The following RAB38 variants were observed in gnomAD, a reference collection of about 807,000 sequenced individuals.
The protein encoded by RAB38 is RAB38, member RAS oncogene family, also known as ras-related protein Rab-38.
In RAB38, 15 loss-of-function variants were observed where a neutral mutation model predicts 18.4. The ratio of observed to expected loss-of-function variants is 0.82; its 90% CI spans 0.55 to 1.26. The LOEUF (loss-of-function observed/expected upper bound fraction) is 1.26, where lower values mean the gene tolerates loss of function less well. Ranked by LOEUF, RAB38 falls within the 50% of genes most tolerant of loss-of-function variation. The pLI, the probability that RAB38 is intolerant of heterozygous loss-of-function variation, is 0.00. For synonymous variants in RAB38, 101 were observed against 104.4 expected, an observed-to-expected ratio of 0.97 and a Z score of 0.20; for missense variants, 294 against 267.4, an observed-to-expected ratio of 1.10 and a Z score of -0.69.
intron 1 of RAB38, chr11:88,173,747 G>A: frequency 3.0e-6 from 3 of 985,288 alleles, no homozygotes; most frequent in Non-Finnish European, 3.6e-6. Flanking sequence ...ATCCAACAGT[G>A]GCTGATAACA....
intron 1 of RAB38, among the ~76,000 whole-genome samples, chr11:88,158,211 T>G (rs1331971308): frequency 6.6e-6 from 1 of 152,006 alleles, no homozygotes; most frequent in Non-Finnish European, 1.5e-5. Flanking sequence ...AAACACACAA[T>G]CTGCCAAGAT....
the RAB38 span, among the ~76,000 whole-genome samples, chr11:87,932,478 T>C: frequency 4.6e-5 from 7 of 152,042 alleles, no homozygotes; most frequent in South Asian, 1.2e-3. Flanking sequence ...CTTAGTTCTC[T>C]ATAAGCATAA....
At chr11:88,024,293 A>T in the RAB38 span, among the ~76,000 whole-genome samples, 165 of 152,332 alleles carry the variant, frequency 1.1e-3, 4 homozygotes, top group East Asian at 0.025. Flanking sequence ...GGTGCTCAAC[A>T]TCATTAATCA....
chr11:88,004,048 A>G, the RAB38 span, among the ~76,000 whole-genome samples: 1 of 141,412 alleles, frequency 7.1e-6, no homozygotes, highest in South Asian at 2.2e-4. Context: ...TATATGGGAG[A>G]AGGTATATAT....
chr11:87,926,143 C>G, the RAB38 span, among the ~76,000 whole-genome samples: 1 of 151,636 alleles, frequency 6.6e-6, no homozygotes, highest in African/African-American at 2.4e-5. Context: ...GCAGAGAGGT[C>G]CGACCAATGA....
chr11:88,147,930 A>G (rs1215385758), intron 2 of RAB38, among the ~76,000 whole-genome samples: 2 of 152,128 alleles, frequency 1.3e-5, no homozygotes, highest in African/African-American at 4.8e-5. Context: ...ATAGACTACA[A>G]AAAGATACCA....
chr11:87,938,401 A>G, the RAB38 span, among the ~76,000 whole-genome samples: 1 of 151,986 alleles, frequency 6.6e-6, no homozygotes, highest in Admixed American at 6.6e-5. Flanking sequence ...GGTGGGATGA[A>G]CGTCTTAGCT....
At chr11:87,968,343 G>T in the RAB38 span, among the ~76,000 whole-genome samples, 1 of 152,086 alleles carries the variant, frequency 6.6e-6, no homozygotes, top group Non-Finnish European at 1.5e-5. Flanking sequence ...GACTCAAGGT[G>T]TGGCTGGGCA....
intron 2 of RAB38, among the ~76,000 whole-genome samples, chr11:88,130,436 T>C (rs1490428184): frequency 3.3e-5 from 5 of 152,210 alleles, no homozygotes; most frequent in Non-Finnish European, 7.3e-5. Context: ...TGTTTTGGAA[T>C]TTATTCAGAG....
the RAB38 span, among the ~76,000 whole-genome samples, chr11:87,961,121 G>T: frequency 6.6e-6 from 1 of 152,060 alleles, no homozygotes; most frequent in Non-Finnish European, 1.5e-5. Flanking sequence ...GCCCCCTTCT[G>T]CCTGCTCCAA....
the RAB38 span, among the ~76,000 whole-genome samples, chr11:88,036,915 C>A: frequency 1.3e-5 from 2 of 152,094 alleles, no homozygotes; most frequent in South Asian, 2.1e-4. Context: ...ACTTAGGATT[C>A]TTGAATCAAT....
chr11:87,816,988 TATC>T, the RAB38 span: 1 of 152,140 alleles, frequency 6.6e-6, no homozygotes, highest in Non-Finnish European at 1.5e-5. Context: ...TTAGGTTTAT[TATC>T]ATTCATAAGC....
At chr11:88,019,301 T>C in the RAB38 span, among the ~76,000 whole-genome samples, 1 of 152,164 alleles carries the variant, frequency 6.6e-6, no homozygotes, top group Non-Finnish European at 1.5e-5. Context: ...TAGAGTCATC[T>C]ATGACTTTTT....
At chr11:87,926,825 C>G in the RAB38 span, among the ~76,000 whole-genome samples, 1 of 152,158 alleles carries the variant, frequency 6.6e-6, no homozygotes, top group South Asian at 2.1e-4. Flanking sequence ...GCAGCTCTGT[C>G]TTCCACCAGG....
At chr11:87,923,494 A>T in the RAB38 span, among the ~76,000 whole-genome samples, 3 of 151,746 alleles carry the variant, frequency 2.0e-5, no homozygotes, top group Admixed American at 2.0e-4. Flanking sequence ...CATAATTAGT[A>T]CTAGAGAATA....
chr11:88,029,078 C>G, the RAB38 span, among the ~76,000 whole-genome samples: 12 of 152,084 alleles, frequency 7.9e-5, no homozygotes, highest in South Asian at 2.1e-4. Flanking sequence ...CAATATTCAA[C>G]ATTCTTAAAG....
chr11:88,026,625 G>A, the RAB38 span, among the ~76,000 whole-genome samples: 19 of 140,904 alleles, frequency 1.3e-4, no homozygotes, highest in African/African-American at 2.9e-4. Flanking sequence ...TGATCCGCCC[G>A]CCTCAGCCTC....
At chr11:87,918,358 G>T in the RAB38 span, among the ~76,000 whole-genome samples, 1 of 152,098 alleles carries the variant, frequency 6.6e-6, no homozygotes, top group East Asian at 1.9e-4. Context: ...TGGGAATACA[G>T]ATCTCTCTTC....
At chr11:87,903,282 A>G in the RAB38 span, among the ~76,000 whole-genome samples, 1 of 151,456 alleles carries the variant, frequency 6.6e-6, no homozygotes, top group Non-Finnish European at 1.5e-5. Context: ...ATTTTTATAA[A>G]TAAATACAAA....
Sources: allele counts gnomAD v4.1 joint callset (sites outside exome capture counted in the v4.1 genomes callset), GRCh38; gene constraint gnomAD v4.1.1; transcripts MANE v1.5; gene names NCBI Gene and HGNC (gene_info 2026-07-23, HGNC 2026-07-21).